The following ZNF232 variants were observed in gnomAD, a reference collection of about 807,000 sequenced individuals.
ZNF232 encodes the protein zinc finger protein 232.
A neutral mutation model predicts 25.2 loss-of-function variants in ZNF232; 25 were observed. The ratio of observed to expected loss-of-function variants is 0.99; its 90% CI spans 0.72 to 1.39. The LOEUF (loss-of-function observed/expected upper bound fraction) is 1.39. Ranked by LOEUF, ZNF232 falls within the 40% of genes most tolerant of loss-of-function variation. ZNF232 has a pLI of 0.00. For synonymous variants in ZNF232, 193 were observed against 182.9 expected (o/e 1.06, Z -0.45); for missense variants, 519 against 520.9 (o/e 1.00, Z 0.04).
chr17:5,111,917 A>T, upstream of ZNF232: 1 of 1,529,968 alleles, frequency 6.5e-7, no homozygotes, highest in Non-Finnish European at 8.8e-7. Flanking sequence ...AACTCCCAGA[A>T]TCCTCCTCGC....
intron 1 of ZNF232, among the ~76,000 whole-genome samples, chr17:5,122,726 C>T (rs118140204): frequency 0.011 from 1,747 of 152,338 alleles, 17 homozygotes; most frequent in Non-Finnish European, 0.018. Context: ...AGCCCAGCCC[C>T]GGAAATGGGA....
intron 3 of ZNF232, among the ~76,000 whole-genome samples, chr17:5,106,885 A>G (rs974640927): frequency 1.3e-5 from 2 of 152,182 alleles, no homozygotes; most frequent in Admixed American, 1.3e-4. Flanking sequence ...CATTAGGGTT[A>G]AGGAAAAGGG....
chr17:5,106,653 C>G, intron 3 of ZNF232, 120 bp from the exon 4 acceptor site: 1 of 855,168 alleles, frequency 1.2e-6, no homozygotes, highest in Non-Finnish European at 1.8e-6. Context: ...ATATTGCCAA[C>G]AGTTATCTCT....
chr17:5,106,402 TG>T lies in ZNF232; in HGVS notation c.729del (p.Asp243GlufsTer13). The T allele has an allele frequency of 6.2e-7, 1 of 1,614,162 alleles. No individual in the cohort carries two copies. The highest frequency in any genetic ancestry group is 1.3e-5 in the African/African-American group (1 of 75,028). On this transcript the variant is annotated frameshift_variant, in exon 4 of 4. Coordinates refer to ENST00000575898, the Ensembl canonical transcript of ZNF232. LOFTEE classifies it low-confidence loss of function (END_TRUNC). ...TCAGAGGTAGCTTCAAATGTAGAGG[TG>T]TCAGTAGCAAGTTTTTCTGAGAACA...
chr17:5,117,032 C>T (rs1445192980), intron 1 of ZNF232, among the ~76,000 whole-genome samples: 2 of 152,228 alleles, frequency 1.3e-5, no homozygotes, highest in African/African-American at 4.8e-5. Context: ...AAGTACTTTG[C>T]AGAAAGCCTT....
chr17:5,109,175 G>A lies in ZNF232; in HGVS notation c.499-123C>T. ...GACCAAAGCTTCCAAGGAGACTTTA[G>A]AGAGCCTCCTCAGAGTCAGCACAAG... On this transcript the variant is annotated intron_variant, in intron 2 of 3. Transcript: ENST00000575898. 24 of 1,427,238 alleles carry A rather than the reference G, an allele frequency of 1.7e-5. No homozygotes were observed. The South Asian group carries it at 2.9e-4, about 17-fold the overall frequency. The allele number at this position is 1,427,238 out of a possible 1,614,324, so 88.4% of individuals were successfully genotyped here.
chr17:5,120,234 G>A (rs2072622121), intron 1 of ZNF232, among the ~76,000 whole-genome samples: 1 of 152,252 alleles, frequency 6.6e-6, no homozygotes, highest in African/African-American at 2.4e-5. Context: ...ACCAACGTAG[G>A]GTTGCTCTCT....
intron 1 of ZNF232, chr17:5,121,225 G>T: frequency 2.5e-6 from 1 of 393,652 alleles, no homozygotes; most frequent in South Asian, 1.9e-5. Context: ...TTCCTCCAAG[G>T]TCCAACGTGG....
chr17:5,111,743 G>T, intron 1 of ZNF232, 57 bp downstream of exon 1: 2 of 1,612,714 alleles, frequency 1.2e-6, no homozygotes, highest in South Asian at 2.2e-5. Context: ...CTGCCTGCGG[G>T]ACGGGCAAAA....
intron 3 of ZNF232, among the ~76,000 whole-genome samples, chr17:5,107,256 CG>C (rs2072282185): frequency 4.0e-5 from 6 of 151,300 alleles, no homozygotes; most frequent in Admixed American, 3.9e-4. Context: ...AGCATGATGG[CG>C]GGCGCCTGTA....
intron 1 of ZNF232, among the ~76,000 whole-genome samples, chr17:5,118,026 G>A (rs2143687059): frequency 6.7e-6 from 1 of 149,768 alleles, no homozygotes; most frequent in South Asian, 2.1e-4. Flanking sequence ...CCGAGATCAT[G>A]CCACTGCACT....
At chr17:5,112,156 G>C (rs1428678150), upstream of ZNF232, 1 of 440,326 alleles carries the variant, frequency 2.3e-6, no homozygotes, top group Non-Finnish European at 4.0e-6. Flanking sequence ...GGGGTCTCTT[G>C]TGGAATTGTA....
At chr17:5,106,504 C>A (rs1262913874) in exon 4 of ZNF232, 2 of 1,611,118 alleles carry the variant, frequency 1.2e-6, no homozygotes, top group Non-Finnish European at 1.7e-6. Flanking sequence ...TCTTCTGTAA[C>A]AACTGACAGA....
rs368334994 is a variant in ZNF232, at chr17:5,106,616, G to A, written c.626-110C>T. 46 of 1,173,950 alleles carry A rather than the reference G, an allele frequency of 3.9e-5. 1 individual carries two copies. In the South Asian group the frequency reaches 6.4e-4, roughly 16 times the overall value. 72.7% of individuals were successfully genotyped at this position (1,173,950 alleles called of 1,614,324 possible). A position where few individuals can be genotyped will look rare whatever the true frequency, so the allele number is the denominator to read the frequency against. On this transcript the variant is annotated intron_variant, in intron 3 of 3. Transcript: ENST00000575898. ...AATGCTTAAAAACAACTATATATAT[G>A]ACAAACATTCGAAGAATATTTACTG...
At position 5,109,527 on chromosome 17, in the gene ZNF232, AG is replaced by A. The variant is rs1389151198; in HGVS notation, c.364del (p.Leu122TrpfsTer7). Reference sequence around the variant, plus strand: ...GATGGTCAAGAATTGTTCCAGCACCAGGAACTCCAGGATCTGCTCCTTCGTG... The same window carrying A: ...GATGGTCAAGAATTGTTCCAGCACCAGAACTCCAGGATCTGCTCCTTCGTG... On this transcript the variant is annotated frameshift_variant, in exon 2 of 4. Transcript: ENST00000575898. LOFTEE classifies it high-confidence loss of function. 1.9e-6 allele frequency: 3 copies of A among 1,614,098 alleles called. No individual in the cohort carries two copies. Among genetic ancestry groups the A allele is most frequent in the Non-Finnish European group, 2.5e-6 (3 of 1,180,044 alleles).
At chr17:5,116,119 A>G (rs2072529993), upstream of ZNF232, among the ~76,000 whole-genome samples, 1 of 152,272 alleles carries the variant, frequency 6.6e-6, no homozygotes, top group Admixed American at 6.5e-5. Context: ...CCAGGCGCCC[A>G]TCAGTCTTCC....
chr17:5,109,008 C>T, exon 3 of ZNF232: 1 of 1,614,154 alleles, frequency 6.2e-7, no homozygotes, highest in Non-Finnish European at 8.5e-7. Flanking sequence ...ATTCCTTCTT[C>T]TCCCATGGCT....
intron 1 of ZNF232, among the ~76,000 whole-genome samples, chr17:5,118,563 G>A (rs146729247): frequency 3.3e-4 from 51 of 152,346 alleles, no homozygotes; most frequent in African/African-American, 1.2e-3. Flanking sequence ...CTGGCCCCTA[G>A]CCCCATTGCG....
At chr17:5,121,387 A>T (rs2072660322) in intron 1 of ZNF232, 2 of 336,510 alleles carry the variant, frequency 5.9e-6, no homozygotes, top group Admixed American at 4.1e-5. Flanking sequence ...AGAGGGGCTG[A>T]ACTGCGAGGT....
Sources: allele counts gnomAD v4.1 joint callset (sites outside exome capture counted in the v4.1 genomes callset), GRCh38; gene constraint gnomAD v4.1.1; transcripts MANE v1.5; gene names NCBI Gene and HGNC (gene_info 2026-07-23, HGNC 2026-07-21).